The following KCTD1 variants were observed in gnomAD, a reference collection of about 807,000 sequenced individuals.
The protein encoded by KCTD1 is BTB/POZ domain-containing protein KCTD1.
Under a neutral mutation model 66.0 loss-of-function variants are expected in KCTD1, and 24 were observed. That is an observed-to-expected ratio of 0.36 (90% CI 0.26 to 0.51). The LOEUF (loss-of-function observed/expected upper bound fraction) is 0.51. Among genes scored for constraint, KCTD1 ranks in the 20% least tolerant of loss-of-function variants. The probability of loss-of-function intolerance (pLI) is 0.95; values close to 1 mark genes in which losing one functional copy is unlikely to be tolerated. For synonymous variants in KCTD1, 511 were observed against 517.2 expected, an observed-to-expected ratio of 0.99 and a Z score of 0.16; for missense variants, 943 against 1,205.2, an observed-to-expected ratio of 0.78 and a Z score of 3.22.
intron 1 of KCTD1, among the ~76,000 whole-genome samples, chr18:26,590,470 G>A (rs892874813): frequency 6.6e-6 from 1 of 152,134 alleles, no homozygotes; most frequent in Non-Finnish European, 1.5e-5. Flanking sequence ...AGCATCCTAA[G>A]CAAATTGTGA....
chr18:26,574,008 C>T (rs770706260), intron 1 of KCTD1, among the ~76,000 whole-genome samples: 2 of 152,120 alleles, frequency 1.3e-5, no homozygotes, highest in African/African-American at 2.4e-5. Flanking sequence ...TTCCATCAAA[C>T]CCCTTCTTGA....
intron 1 of KCTD1, among the ~76,000 whole-genome samples, chr18:26,513,601 C>T (rs912361971): frequency 2.0e-5 from 3 of 152,220 alleles, no homozygotes; most frequent in African/African-American, 7.2e-5. Flanking sequence ...AGCCATGTCA[C>T]CAATGAGCTA....
intron 2 of KCTD1, among the ~76,000 whole-genome samples, chr18:26,490,137 G>A (rs1286654815): frequency 2.6e-5 from 4 of 152,172 alleles, no homozygotes; most frequent in Non-Finnish European, 4.4e-5. Context: ...TGAGTCTCCT[G>A]CCACACCACC....
chr18:26,611,129 T>G (rs938532440), intron 1 of KCTD1, among the ~76,000 whole-genome samples: 2 of 152,188 alleles, frequency 1.3e-5, no homozygotes, highest in African/African-American at 4.8e-5. Flanking sequence ...CACTGGTGCT[T>G]TTCTCATTTT....
At chr18:26,489,602 T>G (rs1170964524) in intron 2 of KCTD1, among the ~76,000 whole-genome samples, 1 of 152,138 alleles carries the variant, frequency 6.6e-6, no homozygotes. Context: ...GGTTTTGGGG[T>G]GTGAATAAAT....
intron 1 of KCTD1, among the ~76,000 whole-genome samples, chr18:26,602,301 A>G (rs1471387659): frequency 6.6e-6 from 1 of 152,188 alleles, no homozygotes; most frequent in Admixed American, 6.6e-5. Context: ...TTCTTGGGAT[A>G]AATCTCATTT....
intron 1 of KCTD1, among the ~76,000 whole-genome samples, chr18:26,554,443 T>C (rs1256190954): frequency 7.3e-6 from 1 of 137,698 alleles, no homozygotes; most frequent in Non-Finnish European, 1.6e-5. Flanking sequence ...ACCTAAACAC[T>C]GGTACATGTT....
At chr18:26,463,408 C>T (rs1444315067) in intron 3 of KCTD1, among the ~76,000 whole-genome samples, 1 of 151,514 alleles carries the variant, frequency 6.6e-6, no homozygotes, top group Non-Finnish European at 1.5e-5. Flanking sequence ...CCGAGAAAGA[C>T]CCATCTCAAA....
chr18:26,535,120 T>TGGG (rs374295043), intron 1 of KCTD1, among the ~76,000 whole-genome samples: 17 of 128,276 alleles, frequency 1.3e-4, no homozygotes, highest in African/African-American at 3.5e-4. Flanking sequence ...GGGGTGGGGG[T>TGGG]GGAGCTGCCA....
At chr18:26,466,804 G>T (rs757935708) in intron 3 of KCTD1, among the ~76,000 whole-genome samples, 3 of 152,118 alleles carry the variant, frequency 2.0e-5, no homozygotes, top group Admixed American at 6.5e-5. Context: ...CAAGTCTAAC[G>T]TAAACCCATC....
chr18:26,509,812 C>T (rs950553466), intron 1 of KCTD1, among the ~76,000 whole-genome samples: 5 of 152,220 alleles, frequency 3.3e-5, no homozygotes, highest in South Asian at 2.1e-4. Context: ...CCTGTTCCTT[C>T]GGAATCTGAA....
At chr18:26,619,529 T>C (rs1987326582) in intron 1 of KCTD1, among the ~76,000 whole-genome samples, 1 of 152,216 alleles carries the variant, frequency 6.6e-6, no homozygotes, top group Admixed American at 6.5e-5. Context: ...TTTTCATTGC[T>C]ATCAGCATGT....
chr18:26,502,795 G>C lies in KCTD1; in HGVS notation c.1810-1545C>G, dbSNP rs1982833755. Among the ~76,000 whole-genome samples, 3 of 152,216 alleles carry C rather than the reference G, an allele frequency of 2.0e-5. No individual in the cohort carries two copies. The South Asian group carries it at 6.2e-4, about 32-fold the overall frequency. On this transcript the variant is annotated intron_variant, in intron 1 of 4. Coordinates refer to ENST00000580059, the MANE Select transcript of KCTD1 (RefSeq NM_001142730.3). ...TGCAAACAATGTATGGCAAAGCCAG[G>C]GATAAGGCACACTGAAGGGATTTTG... is the stretch of plus-strand genomic sequence containing the variant.
At chr18:26,549,520 G>A, upstream of KCTD1, 1 of 926,174 alleles carries the variant, frequency 1.1e-6, no homozygotes, top group Non-Finnish European at 1.3e-6. Context: ...GGGACCCCAG[G>A]GGCCACAGGG....
rs1262283490 is a variant in KCTD1 at position 26,546,826 on chromosome 18, C to G, written c.1711G>C (p.Val571Leu). 6.5e-7 allele frequency: 1 copy of G among 1,534,018 alleles called. No individual in the cohort carries two copies. The highest frequency in any genetic ancestry group is 8.8e-7 in the Non-Finnish European group (1 of 1,140,276). ...AGAAGAGGCAGGGGGTCGTGTTTCA[C>G]GGAAACCACCACCACCGCATCCACA... ...EPVDAVVVVS[V>L]KHDPLPLLPE... is the part of the protein sequence containing the mutation. The change falls in exon 1 of 5, where the codon GTG becomes CTG. Residue 571 changes from valine (V) to leucine (L), a missense_variant. Coordinates refer to ENST00000580059, the MANE Select transcript of KCTD1 (RefSeq NM_001142730.3).
chr18:26,501,160 T>C lies in KCTD1; in HGVS notation c.1900A>G (p.Thr634Ala), dbSNP rs1337742618. 1 of 1,613,742 alleles carries C rather than the reference T, an allele frequency of 6.2e-7. No homozygotes were observed. The change falls in exon 2 of 5, where the codon ACA becomes GCA. Residue 634 changes from threonine to alanine, a missense_variant. Coordinates refer to ENST00000580059, the MANE Select transcript of KCTD1 (RefSeq NM_001142730.3). ...ATGTGGACAGGCGCATTGGATTTTG[T>C]GAGTTGTGCTGGAGTAGGGATGCCT... ...NQGIPTPAQL[T>A]KSNAPVHIDV...
At chr18:26,531,139 TA>T (rs1456766197) in intron 1 of KCTD1, among the ~76,000 whole-genome samples, 1 of 152,186 alleles carries the variant, frequency 6.6e-6, no homozygotes, top group East Asian at 1.9e-4. Context: ...CTTACAAATA[TA>T]TAACCATTAT....
At chr18:26,502,888 TA>T (rs765587499) in intron 1 of KCTD1, among the ~76,000 whole-genome samples, 112 of 152,326 alleles carry the variant, frequency 7.4e-4, no homozygotes, top group Middle Eastern at 3.4e-3. Context: ...TGCAGCATGA[TA>T]AAATATAAAT....
intron 3 of KCTD1, among the ~76,000 whole-genome samples, chr18:26,466,305 G>A (rs1980731109): frequency 6.6e-6 from 1 of 152,202 alleles, no homozygotes; most frequent in Non-Finnish European, 1.5e-5. Context: ...CATGTTAATG[G>A]CACCTCCTGC....
Sources: gnomAD v4.1 joint callset for allele counts (sites outside exome capture counted in the v4.1 genomes callset) on GRCh38, gnomAD v4.1.1 for gene constraint, MANE v1.5 for transcripts, NCBI Gene and HGNC (gene_info 2026-07-23, HGNC 2026-07-21) for gene names.